AGBL4: variants seen among roughly 807,000 people sequenced by gnomAD.
AGBL4 encodes AGBL carboxypeptidase 4, also known as cytosolic carboxypeptidase 6.
AGBL4 carries 58 observed loss-of-function variants against 66.4 expected under a neutral mutation model. That is an observed-to-expected ratio of 0.87 (90% CI 0.71 to 1.09). The LOEUF is 1.09. Ranked by LOEUF, AGBL4 falls within the 50% of genes least tolerant of loss-of-function variation. AGBL4 has a pLI of 0.00. For synonymous variants in AGBL4, 234 were observed against 222.9 expected (o/e 1.05, Z -0.44); for missense variants, 579 against 631.0 (o/e 0.92, Z 0.88).
intron 3 of AGBL4, among the ~76,000 whole-genome samples, chr1:49,682,283 G>T (rs1223397921): frequency 1.3e-5 from 2 of 152,060 alleles, no homozygotes; most frequent in Non-Finnish European, 2.9e-5. Flanking sequence ...GCACACGCTT[G>T]TAGTCCCAGG....
chr1:48,625,090 C>CTCCT (rs66798647), intron 9 of AGBL4, among the ~76,000 whole-genome samples: 9,014 of 140,176 alleles, frequency 0.064, 410 homozygotes, highest in East Asian at 0.11. Flanking sequence ...TTTTTTCTTT[C>CTCCT]TCCTTCCTTC....
chr1:48,926,611 T>C (rs182716118), intron 5 of AGBL4, among the ~76,000 whole-genome samples: 298 of 152,124 alleles, frequency 2.0e-3, no homozygotes, highest in Non-Finnish European at 2.8e-3. Flanking sequence ...TTAAAATCAT[T>C]GGGTAGCCCT....
At chr1:49,603,553 A>C (rs1057040336) in intron 3 of AGBL4, among the ~76,000 whole-genome samples, 1 of 150,746 alleles carries the variant, frequency 6.6e-6, no homozygotes, top group Non-Finnish European at 1.5e-5. Flanking sequence ...TAAATAAATA[A>C]ATAAATAAAT....
At chr1:48,728,230 T>C (rs1308167321) in intron 6 of AGBL4, among the ~76,000 whole-genome samples, 1 of 152,204 alleles carries the variant, frequency 6.6e-6, no homozygotes, top group African/African-American at 2.4e-5. Flanking sequence ...ACACTGTAAA[T>C]GTACTCTTTA....
intron 5 of AGBL4, among the ~76,000 whole-genome samples, chr1:49,040,551 A>G (rs1342308481): frequency 1.3e-5 from 2 of 152,128 alleles, no homozygotes; most frequent in African/African-American, 2.4e-5. Flanking sequence ...AAATCCATCC[A>G]AATGTCCTTG....
chr1:48,653,057 CA>C lies in AGBL4; in HGVS notation c.839+279del, dbSNP rs140366739. ...CCCAGAGAGGGAAAAGTGGACTCCCCAAGGTTACATGGAAAGTAGGTGCCAA... is the reference window on the plus strand; with the variant it reads ...CCCAGAGAGGGAAAAGTGGACTCCCCAGGTTACATGGAAAGTAGGTGCCAA... On this transcript the variant is annotated intron_variant, in intron 8 of 13. Coordinates refer to ENST00000371839, the MANE Select transcript of AGBL4 (RefSeq NM_032785.4). 5.4e-3 allele frequency among the ~76,000 whole-genome samples: 821 copies of C among 152,228 alleles called. 9 individuals are homozygous for C. Among genetic ancestry groups the C allele is most frequent in the African/African-American group, 0.019 (788 of 41,546 alleles).
At chr1:49,449,309 A>G (rs1216337806) in intron 3 of AGBL4, among the ~76,000 whole-genome samples, 1 of 152,080 alleles carries the variant, frequency 6.6e-6, no homozygotes, top group East Asian at 1.9e-4. Flanking sequence ...TTTATAATTG[A>G]GAAGATTTTT....
At chr1:49,298,628 T>TCCCC (rs1644686711) in intron 3 of AGBL4, among the ~76,000 whole-genome samples, 1 of 150,848 alleles carries the variant, frequency 6.6e-6, no homozygotes, top group African/African-American at 2.5e-5. Context: ...GGCCTCTCCT[T>TCCCC]CCTCCCTCCC....
chr1:49,572,895 G>T (rs1436384425), intron 3 of AGBL4, among the ~76,000 whole-genome samples: 1 of 152,096 alleles, frequency 6.6e-6, no homozygotes, highest in Admixed American at 6.6e-5. Context: ...CTAATCAGCT[G>T]CCAGTAAACA....
chr1:48,854,565 A>T (rs1200370923), intron 6 of AGBL4, among the ~76,000 whole-genome samples: 2 of 152,198 alleles, frequency 1.3e-5, no homozygotes, highest in Non-Finnish European at 2.9e-5. Context: ...AAATGGCCAC[A>T]GAGATAGTCA....
intron 3 of AGBL4, among the ~76,000 whole-genome samples, chr1:49,501,350 G>A (rs1421691460): frequency 1.3e-5 from 2 of 151,960 alleles, no homozygotes; most frequent in Admixed American, 1.3e-4. Flanking sequence ...GTGGTTATTG[G>A]AGTGAAGGCT....
At chr1:48,725,703 G>T (rs1647230008) in intron 6 of AGBL4, among the ~76,000 whole-genome samples, 1 of 152,176 alleles carries the variant, frequency 6.6e-6, no homozygotes, top group African/African-American at 2.4e-5. Context: ...CCTTGAGCAA[G>T]AAATTATTTA....
At chr1:48,910,006 G>T (rs559029915) in intron 5 of AGBL4, among the ~76,000 whole-genome samples, 1 of 152,056 alleles carries the variant, frequency 6.6e-6, no homozygotes, top group South Asian at 2.1e-4. Flanking sequence ...TGGACTTAAT[G>T]GACTCTATCT....
rs547374107 is a variant in AGBL4, at chr1:48,604,799, G to A, written c.952-13814C>T. 9.2e-5 allele frequency among the ~76,000 whole-genome samples: 14 copies of A among 152,318 alleles called. No homozygotes were observed. In the South Asian group the frequency reaches 2.7e-3, roughly 29 times the overall value. On this transcript the variant is annotated intron_variant, in intron 9 of 13. Coordinates refer to ENST00000371839, the MANE Select transcript of AGBL4 (RefSeq NM_032785.4). ...ACTTAGCCAGAAAGCAGCAAGGAGT[G>A]AGGGAGTGGTTGTGAGAGTTAAGCA...
chr1:49,006,197 G>A (rs1333126774), intron 5 of AGBL4, among the ~76,000 whole-genome samples: 1 of 152,174 alleles, frequency 6.6e-6, no homozygotes, highest in East Asian at 1.9e-4. Context: ...AGCAGGGTGA[G>A]GCATTGCCTC....
chr1:49,398,927 T>C (rs1384846194), intron 3 of AGBL4, among the ~76,000 whole-genome samples: 1 of 152,178 alleles, frequency 6.6e-6, no homozygotes, highest in Non-Finnish European at 1.5e-5. Flanking sequence ...TACTAGCATA[T>C]ACTAGGTCTT....
chr1:49,580,593 A>C (rs928118710), intron 3 of AGBL4, among the ~76,000 whole-genome samples: 2 of 152,196 alleles, frequency 1.3e-5, no homozygotes, highest in African/African-American at 4.8e-5. Flanking sequence ...GTGGTAATAA[A>C]GTCCCTCAGC....
intron 1 of AGBL4, among the ~76,000 whole-genome samples, chr1:49,933,353 A>G (rs1010472062): frequency 1.3e-5 from 2 of 152,160 alleles, no homozygotes; most frequent in Non-Finnish European, 2.9e-5. Context: ...GTTCCCAAAC[A>G]AAAGCTGAGG....
intron 6 of AGBL4, among the ~76,000 whole-genome samples, chr1:48,748,648 G>A (rs1651152503): frequency 6.6e-6 from 1 of 152,186 alleles, no homozygotes; most frequent in Non-Finnish European, 1.5e-5. Flanking sequence ...GTGAAGGCAA[G>A]TGGCACAAAC....
Sources: gnomAD v4.1 joint callset for allele counts (sites outside exome capture counted in the v4.1 genomes callset) on GRCh38, gnomAD v4.1.1 for gene constraint, MANE v1.5 for transcripts, NCBI Gene and HGNC (gene_info 2026-07-23, HGNC 2026-07-21) for gene names.